The following PCDHGB2 variants were observed in gnomAD, a reference collection of about 807,000 sequenced individuals.
PCDHGB2 encodes protocadherin gamma-B2.
PCDHGB2 carries 55 observed loss-of-function variants against 59.3 expected under a neutral mutation model. That is an observed-to-expected ratio of 0.93 (90% confidence interval 0.75 to 1.16). The LOEUF (loss-of-function observed/expected upper bound fraction) is 1.16, where lower values mean the gene tolerates loss of function less well. PCDHGB2 is among the 50% of genes most tolerant of loss of function. The pLI, the probability that PCDHGB2 is intolerant of heterozygous loss-of-function variation, is 0.00. For missense variants in PCDHGB2, 1,228 were observed against 1,198.5 expected (o/e 1.02, Z -0.36); for synonymous variants, 516 against 512.0 (o/e 1.01, Z -0.11).
chr5:141,371,502 A>G lies in PCDHGB2; in HGVS notation c.2421+8946A>G, dbSNP rs1767800690. 4 of 1,613,820 alleles carry G rather than the reference A, an allele frequency of 2.5e-6. No individual in the cohort carries two copies. In the African/African-American group the frequency reaches 4.0e-5, roughly 16 times the overall value. On this transcript the variant is annotated intron_variant, in intron 1 of 3. Transcript: ENST00000522605. ...GCTGGGGACTGCCGTTGCCCTGATC[A>G]AAACACATGATCTAGATTCTGGATT...
intron 2 of PCDHGB2, among the ~76,000 whole-genome samples, chr5:141,500,046 T>C (rs959260262): frequency 1.3e-5 from 2 of 152,098 alleles, no homozygotes; most frequent in African/African-American, 4.8e-5. Context: ...TTAAGTATCT[T>C]AATGCTCTTT....
In PCDHGB2 at chr5:141,477,510, A is replaced by G; in HGVS notation, c.2422-17297A>G. On this transcript the variant is annotated intron_variant, in intron 1 of 3. Transcript: ENST00000522605. This position sits in a 1 kb window ranked among gnomAD's most constrained non-coding sequence, Gnocchi z 4.9. ...TCTTCTCAATCTTCCTACGACGTTT[A>G]CATTGAAGAAAACAACCTCCCCGGG... is the stretch of plus-strand genomic sequence containing the variant. 3 of 1,614,172 alleles carry G rather than the reference A, an allele frequency of 1.9e-6. No homozygotes were observed. Among genetic ancestry groups the G allele is most frequent in the Non-Finnish European group, 2.5e-6 (3 of 1,180,018 alleles).
intron 1 of PCDHGB2, chr5:141,366,618 C>A: frequency 6.2e-7 from 1 of 1,614,232 alleles, no homozygotes; most frequent in Non-Finnish European, 8.5e-7. Context: ...ACCGCGGACT[C>A]GAGGAAGAGT....
chr5:141,462,007 G>C (rs2099028604), intron 1 of PCDHGB2, among the ~76,000 whole-genome samples: 1 of 152,188 alleles, frequency 6.6e-6, no homozygotes, highest in South Asian at 2.1e-4. Context: ...ATTTTTAATA[G>C]AGACGGGGTT....
At chr5:141,450,006 CTTTTTTT>C (rs1554136305) in intron 1 of PCDHGB2, among the ~76,000 whole-genome samples, 12 of 132,986 alleles carry the variant, frequency 9.0e-5, no homozygotes, top group Non-Finnish European at 1.7e-4. Context: ...TGCCATGTCT[CTTTTTTT>C]TTTTTTTTTT....
intron 1 of PCDHGB2, chr5:141,441,104 T>C (rs1158565054): frequency 6.6e-6 from 1 of 152,204 alleles, no homozygotes; most frequent in Non-Finnish European, 1.5e-5. Flanking sequence ...GAGGGACTCA[T>C]TGTCCAGTGT....
intron 1 of PCDHGB2, chr5:141,415,403 A>C (rs757508926): frequency 4.3e-6 from 7 of 1,614,082 alleles, no homozygotes; most frequent in Non-Finnish European, 4.2e-6. Context: ...TCCGGCTCGC[A>C]CTTTGTGGGC....
At chr5:141,365,018 G>C in intron 1 of PCDHGB2, 1 of 1,613,880 alleles carries the variant, frequency 6.2e-7, no homozygotes, top group Non-Finnish European at 8.5e-7. Context: ...GCACATCCGT[G>C]TTACGGTCCT....
chr5:141,433,001 G>T, intron 1 of PCDHGB2: 1 of 1,614,156 alleles, frequency 6.2e-7, no homozygotes, highest in African/African-American at 1.3e-5. Flanking sequence ...CGGGGTGCAG[G>T]CTTTCCTGCA....
intron 1 of PCDHGB2, among the ~76,000 whole-genome samples, chr5:141,381,126 A>G (rs772022914): frequency 2.6e-5 from 4 of 152,232 alleles, no homozygotes; most frequent in Non-Finnish European, 5.9e-5. Context: ...TGTATTCTGG[A>G]GCAATGCCAC....
intron 1 of PCDHGB2, chr5:141,441,837 G>A (rs952709777): frequency 2.8e-6 from 1 of 354,138 alleles, no homozygotes. Context: ...ATGGCTTCGC[G>A]CTCTTGGATA....
At position 141,493,412 on chromosome 5, in the gene PCDHGB2, G is replaced by A. The variant is rs1288041038; in HGVS notation, c.2422-1395G>A. Among the ~76,000 whole-genome samples, 3 of 152,114 alleles carry A rather than the reference G, an allele frequency of 2.0e-5. No individual in the cohort carries two copies. The highest frequency in any genetic ancestry group is 4.4e-5 in the Non-Finnish European group (3 of 68,024). On this transcript the variant is annotated intron_variant, in intron 1 of 3. Coordinates refer to ENST00000522605, the MANE Select transcript of PCDHGB2 (RefSeq NM_018923.3). This position sits in a 1 kb window ranked among gnomAD's most constrained non-coding sequence, Gnocchi z 4.3. ...CAGGAGAGGGGAGTTGCCTCTGCTG[G>A]GATTTTGCTTCTGCTGGGATGGGGC...
chr5:141,405,927 A>G (rs138259154), intron 1 of PCDHGB2, among the ~76,000 whole-genome samples: 13 of 152,268 alleles, frequency 8.5e-5, no homozygotes, highest in African/African-American at 2.6e-4. Flanking sequence ...ATTTGCTGAT[A>G]TAACTTTCAT....
rs772255343 is a variant in PCDHGB2, at chr5:141,432,272, G to C, written c.2422-62535G>C. On this transcript the variant is annotated intron_variant, in intron 1 of 3. Coordinates refer to ENST00000522605, the MANE Select transcript of PCDHGB2 (RefSeq NM_018923.3). This position sits in a 1 kb window ranked among gnomAD's most constrained non-coding sequence, Gnocchi z 6.0. ...CCAAGGGGCAAGCCTATCGTCCTAC[G>C]TGTCCATCAACTCCGACACTGGGGT... The C allele has an allele frequency of 3.1e-6, 5 of 1,614,210 alleles. No individual in the cohort carries two copies. Among genetic ancestry groups the C allele is most frequent in the Non-Finnish European group, 4.2e-6 (5 of 1,180,042 alleles).
chr5:141,483,445 C>T (rs1332037230), intron 1 of PCDHGB2, among the ~76,000 whole-genome samples: 1 of 152,106 alleles, frequency 6.6e-6, no homozygotes, highest in Admixed American at 6.5e-5. Context: ...ACAATAAAAT[C>T]ATCAGGACTT....
Position 141,485,011 on chromosome 5 carries a change from C to G in PCDHGB2, c.2422-9796C>G, listed in dbSNP as rs2099605048. 3.2e-6 allele frequency: 2 copies of G among 631,064 alleles called. No homozygotes were observed. The highest frequency in any genetic ancestry group is 5.5e-5 in the East Asian group (2 of 36,662). The allele number at this position is 631,064 out of a possible 1,614,324, so 39.1% of individuals were successfully genotyped here. A position where few individuals can be genotyped will look rare whatever the true frequency, so the allele number is the denominator to read the frequency against. Reference sequence around the variant, plus strand: ...TGGTGAAAGGCAGACAAATCTACCCCGCCACCAGCAAAAACGGCGCGTAAC... The same window carrying G: ...TGGTGAAAGGCAGACAAATCTACCCGGCCACCAGCAAAAACGGCGCGTAAC... On this transcript the variant is annotated intron_variant, in intron 1 of 3. Coordinates refer to ENST00000522605, the MANE Select transcript of PCDHGB2 (RefSeq NM_018923.3). This position sits in a 1 kb window ranked among gnomAD's most constrained non-coding sequence, Gnocchi z 5.7.
chr5:141,361,144 A>G lies in PCDHGB2; in HGVS notation c.1009A>G (p.Ile337Val). 1 of 1,613,986 alleles carries G rather than the reference A, an allele frequency of 6.2e-7. No homozygotes were observed. The highest frequency in any genetic ancestry group is 1.1e-5 in the South Asian group (1 of 91,086). ...LAAHCSIQVE[I>V]LDDNDCAPEV... ...AGCCCACTGCAGTATCCAAGTTGAA[A>G]TTCTTGATGACAACGATTGTGCACC... The change falls in exon 1 of 4, where the codon ATT (isoleucine) becomes GTT (valine). Residue 337 changes from isoleucine to valine, a missense_variant. Ile to Val is a conservative substitution (Grantham distance 29). Coordinates refer to ENST00000522605, the MANE Select transcript of PCDHGB2 (RefSeq NM_018923.3).
rs535002528 is a variant in PCDHGB2 at position 141,396,788 on chromosome 5, T to C, written c.2421+34232T>C. On this transcript the variant is annotated intron_variant, in intron 1 of 3. Transcript: ENST00000522605. ...GTTTGTTATTAATGAAAAGGACATT[T>C]CCTAAGGATTGTGTAGTGTTCTACT... Among the ~76,000 whole-genome samples, 53 of 152,322 alleles carry C rather than the reference T, an allele frequency of 3.5e-4. 2 individuals are homozygous for C. Among genetic ancestry groups the C allele is most frequent in the Admixed American group, 3.3e-3 (50 of 15,300 alleles).
intron 1 of PCDHGB2, chr5:141,399,822 C>T (rs755182775): frequency 1.2e-6 from 2 of 1,613,084 alleles, no homozygotes; most frequent in Admixed American, 3.3e-5. Context: ...CGCTGGGTCC[C>T]GACGGCTCTG....
Sources: allele counts gnomAD v4.1 joint callset (sites outside exome capture counted in the v4.1 genomes callset), GRCh38; gene constraint gnomAD v4.1.1; non-coding constraint Gnocchi (gnomAD v3.1); transcripts MANE v1.5; gene names NCBI Gene and HGNC (gene_info 2026-07-23, HGNC 2026-07-21).